Variants in KIF6 observed in about 807,000 individuals in gnomAD.
The protein encoded by KIF6 is kinesin family member 6.
KIF6 carries 106 observed loss-of-function variants against 112.7 expected under a neutral mutation model. The ratio of observed to expected loss-of-function variants is 0.94; its 90% CI spans 0.80 to 1.11. KIF6 has a LOEUF of 1.11. Among genes scored for constraint, KIF6 ranks in the 50% least tolerant of loss-of-function variants. The pLI, the probability that KIF6 is intolerant of heterozygous loss-of-function variation, is 0.00. For synonymous variants in KIF6, 339 were observed against 339.9 expected, an observed-to-expected ratio of 1.00 and a Z score of 0.03; for missense variants, 929 against 964.0, an observed-to-expected ratio of 0.96 and a Z score of 0.48.
chr6:39,514,440 G>A (rs568693286), intron 13 of KIF6, among the ~76,000 whole-genome samples: 12 of 152,308 alleles, frequency 7.9e-5, no homozygotes, highest in African/African-American at 2.6e-4. Flanking sequence ...ATGTGAGATC[G>A]AAACGGTCAG....
intron 7 of KIF6, among the ~76,000 whole-genome samples, chr6:39,590,714 G>A (rs1485299520): frequency 6.6e-6 from 1 of 152,058 alleles, no homozygotes; most frequent in Non-Finnish European, 1.5e-5. Flanking sequence ...GCCTCCTAAA[G>A]TGCTGGGATT....
intron 17 of KIF6, among the ~76,000 whole-genome samples, chr6:39,361,285 G>A (rs1765116020): frequency 6.6e-6 from 1 of 152,128 alleles, no homozygotes; most frequent in Non-Finnish European, 1.5e-5. Context: ...GAGGCTGGGT[G>A]TGGTGGTTCA....
intron 13 of KIF6, among the ~76,000 whole-genome samples, chr6:39,531,984 G>A (rs763362134): frequency 6.6e-6 from 1 of 152,020 alleles, no homozygotes; most frequent in Non-Finnish European, 1.5e-5. Flanking sequence ...CCACCACAAA[G>A]GCCTGGAAAG....
At chr6:39,679,619 T>C (rs534750638) in intron 3 of KIF6, among the ~76,000 whole-genome samples, 124 of 146,216 alleles carry the variant, frequency 8.5e-4, no homozygotes, top group African/African-American at 2.7e-3. Context: ...CTTTTCTTTT[T>C]TTTTTTTTTT....
At chr6:39,348,956 G>T (rs1232618420) in intron 19 of KIF6, among the ~76,000 whole-genome samples, 3 of 152,212 alleles carry the variant, frequency 2.0e-5, no homozygotes, top group Non-Finnish European at 4.4e-5. Context: ...GAGTGACCGT[G>T]TCGGAGGGAC....
At chr6:39,444,913 G>A (rs1353369788) in intron 13 of KIF6, among the ~76,000 whole-genome samples, 1 of 152,104 alleles carries the variant, frequency 6.6e-6, no homozygotes, top group East Asian at 1.9e-4. Flanking sequence ...ACAAGAGCTG[G>A]AGATCTCTGT....
chr6:39,715,375 T>C (rs1421946210), intron 2 of KIF6, among the ~76,000 whole-genome samples: 1 of 152,104 alleles, frequency 6.6e-6, no homozygotes, highest in Non-Finnish European at 1.5e-5. Flanking sequence ...TTTAATCAGA[T>C]TGGCAATGGC....
chr6:39,338,490 G>C (rs1583819584), intron 22 of KIF6, among the ~76,000 whole-genome samples: 1 of 152,282 alleles, frequency 6.6e-6, no homozygotes. Context: ...AAGACATTCT[G>C]ATCTGTCTGA....
intron 13 of KIF6, among the ~76,000 whole-genome samples, chr6:39,524,208 T>C (rs1260727672): frequency 4.6e-5 from 7 of 152,018 alleles, no homozygotes; most frequent in African/African-American, 1.7e-4. Flanking sequence ...GAGAGGGACC[T>C]TCTGTTCCCT....
intron 13 of KIF6, among the ~76,000 whole-genome samples, chr6:39,478,009 T>C (rs2150451064): frequency 6.6e-6 from 1 of 152,308 alleles, no homozygotes. Flanking sequence ...AGATCTTTGT[T>C]TTTTGGATTT....
At chr6:39,414,890 T>C (rs972849715) in intron 15 of KIF6, among the ~76,000 whole-genome samples, 3 of 151,868 alleles carry the variant, frequency 2.0e-5, no homozygotes, top group Non-Finnish European at 4.4e-5. Context: ...CTGCAACTCA[T>C]TGAAAAAAAA....
chr6:39,471,289 T>C (rs1454083251), intron 13 of KIF6, among the ~76,000 whole-genome samples: 1 of 152,146 alleles, frequency 6.6e-6, no homozygotes, highest in African/African-American at 2.4e-5. Flanking sequence ...TTGTGCTTCC[T>C]CCTCTCTGAC....
chr6:39,532,828 G>A (rs111654831), intron 13 of KIF6, among the ~76,000 whole-genome samples: 4,824 of 152,268 alleles, frequency 0.032, 125 homozygotes, highest in Middle Eastern at 0.071. Context: ...TGCCAAAAAG[G>A]GAAGGGCTTT....
chr6:39,466,336 G>A (rs1282484655), intron 13 of KIF6, among the ~76,000 whole-genome samples: 1 of 152,188 alleles, frequency 6.6e-6, no homozygotes, highest in Non-Finnish European at 1.5e-5. Flanking sequence ...TGAGCTTCAA[G>A]CATCAGAGAT....
chr6:39,474,743 G>A (rs139140342), intron 13 of KIF6, among the ~76,000 whole-genome samples: 5 of 152,336 alleles, frequency 3.3e-5, no homozygotes, highest in African/African-American at 9.6e-5. Flanking sequence ...GTGTGGTAAC[G>A]CTGTGATTTG....
intron 1 of KIF6, among the ~76,000 whole-genome samples, chr6:39,724,531 C>G (rs1790423239): frequency 6.6e-6 from 1 of 151,070 alleles, no homozygotes; most frequent in Non-Finnish European, 1.5e-5. Context: ...CTTCTTTATA[C>G]CTTTCTGAAT....
intron 13 of KIF6, among the ~76,000 whole-genome samples, chr6:39,514,401 T>C (rs1776948175): frequency 6.6e-6 from 1 of 152,158 alleles, no homozygotes; most frequent in Non-Finnish European, 1.5e-5. Flanking sequence ...CCATCCAGCG[T>C]CCATCAGCAT....
chr6:39,700,296 T>C (rs1788806518), intron 3 of KIF6, among the ~76,000 whole-genome samples: 1 of 152,230 alleles, frequency 6.6e-6, no homozygotes, highest in African/African-American at 2.4e-5. Context: ...GATCTTTCAG[T>C]TGATCTCAGT....
intron 15 of KIF6, 66 bp from the exon 16 acceptor site, chr6:39,385,738 AGCATGTGGC>A: frequency 1.1e-6 from 1 of 950,942 alleles, no homozygotes. Flanking sequence ...CTGCCTCAGA[AGCATGTGGC>A]AAGCTACAGA....
Sources: gnomAD v4.1 joint callset for allele counts (sites outside exome capture counted in the v4.1 genomes callset) on GRCh38, gnomAD v4.1.1 for gene constraint, MANE v1.5 for transcripts, NCBI Gene and HGNC (gene_info 2026-07-23, HGNC 2026-07-21) for gene names.